The following NR1I3 variants were observed in gnomAD, a reference collection of about 807,000 sequenced individuals.
NR1I3 encodes constitutive activator of retinoid response.
In NR1I3, 30 loss-of-function variants were observed where a neutral mutation model predicts 38.4. That is an observed-to-expected ratio of 0.78 (90% CI 0.58 to 1.06). The LOEUF is 1.06. NR1I3 is among the 50% of genes least tolerant of loss of function. NR1I3 has a pLI of 0.00. For synonymous variants in NR1I3, 143 were observed against 165.1 expected, an observed-to-expected ratio of 0.87 and a Z score of 1.03; for missense variants, 388 against 435.7, an observed-to-expected ratio of 0.89 and a Z score of 0.97.
Position 161,233,124 on chromosome 1 carries a change from G to C in NR1I3, c.408+45C>G, listed in dbSNP as rs147342048. On this transcript the variant is annotated intron_variant, in intron 4 of 8. Transcript: ENST00000367983. ...CTCTCCTTCAGACCAGCATTTTTGG[G>C]TGCCCTTTTAGTTGTATTCCAACCC... is the stretch of plus-strand genomic sequence containing the variant. 7 of 1,601,432 alleles carry C rather than the reference G, an allele frequency of 4.4e-6. No homozygotes were observed. The African/African-American group carries it at 6.7e-5, about 15-fold the overall frequency.
rs1463851963 is a variant in NR1I3, at chr1:161,233,410, T to C, written c.239-72A>G. 5 of 1,534,596 alleles carry C rather than the reference T, an allele frequency of 3.3e-6. No individual in the cohort carries two copies. The East Asian group carries it at 1.1e-4, about 35-fold the overall frequency. On this transcript the variant is annotated intron_variant, in intron 3 of 8. Coordinates refer to ENST00000367983, the MANE Select transcript of NR1I3 (RefSeq NM_005122.5). ...CATTTCTCTCTGCTGGTCCCTGATC[T>C]GGGGCCCCTCAGCTGCCCTGCACAA...
chr1:161,230,150 C>T, intron 8 of NR1I3: 1 of 542,594 alleles, frequency 1.8e-6, no homozygotes, highest in African/African-American at 1.9e-5. Context: ...TTTTTCTGAA[C>T]CCAGAGCTCT....
chr1:161,233,820 G>A (rs1473808913), intron 3 of NR1I3, among the ~76,000 whole-genome samples: 1 of 147,248 alleles, frequency 6.8e-6, no homozygotes, highest in Non-Finnish European at 1.5e-5. Context: ...GGCAGGGCTG[G>A]TATTCATCAT....
intron 5 of NR1I3, among the ~76,000 whole-genome samples, chr1:161,232,091 A>G (rs1255870702): frequency 6.6e-6 from 1 of 151,246 alleles, no homozygotes; most frequent in Non-Finnish European, 1.5e-5. Flanking sequence ...GGTTCAAGTG[A>G]TTCTTCTGCC....
intron 8 of NR1I3, chr1:161,230,512 A>G (rs1666922945): frequency 1.9e-6 from 1 of 532,662 alleles, no homozygotes; most frequent in Non-Finnish European, 3.3e-6. Flanking sequence ...TGGACTAGTG[A>G]GGTAATGGAT....
At position 161,235,897 on chromosome 1, in the gene NR1I3, C is replaced by T. The variant is rs747474209; in HGVS notation, c.188G>A (p.Cys63Tyr). The T allele has an allele frequency of 4.3e-6, 7 of 1,614,058 alleles. No homozygotes were observed. Among genetic ancestry groups the T allele is most frequent in the East Asian group, 2.2e-5 (1 of 44,880 alleles). Residue 63 changes from cysteine (C) to tyrosine (Y), a missense_variant, in exon 3 of 9, where the codon TGC becomes TAC. Transcript: ENST00000367983. ...GCACTTCTGCAACCTGCAGGCTGGG[C>T]AGTGGCGCCTCTGAGTCTTGCTGAC... ...CEVSKTQRRH[C>Y]PACRLQKCLD... is the part of the protein sequence containing the mutation.
intron 3 of NR1I3, among the ~76,000 whole-genome samples, chr1:161,233,907 A>T (rs28602605): frequency 6.9e-6 from 1 of 145,726 alleles, no homozygotes; most frequent in Non-Finnish European, 1.5e-5. Flanking sequence ...GTGTATATAT[A>T]TGTGTATATA....
chr1:161,230,961 G>T (rs1382777940), intron 7 of NR1I3, 43 bp from the exon 8 acceptor site: 1 of 1,613,182 alleles, frequency 6.2e-7, no homozygotes, highest in South Asian at 1.1e-5. Context: ...GGTGGCAGGG[G>T]TGGGCCTGCG....
chr1:161,234,473 T>G (rs1430561791), intron 3 of NR1I3, among the ~76,000 whole-genome samples: 2 of 152,232 alleles, frequency 1.3e-5, no homozygotes, highest in Non-Finnish European at 2.9e-5. Flanking sequence ...TTCTACAGTT[T>G]CCTTTCATTC....
intron 3 of NR1I3, chr1:161,235,296 G>A (rs1668388037): frequency 9.3e-6 from 1 of 107,488 alleles, no homozygotes; most frequent in Non-Finnish European, 1.7e-5. Context: ...TCGGAATCTG[G>A]CTCTGTCACC....
At chr1:161,237,579 A>G (rs1309925628) in intron 1 of NR1I3, among the ~76,000 whole-genome samples, 2 of 151,652 alleles carry the variant, frequency 1.3e-5, no homozygotes, top group Admixed American at 6.6e-5. Context: ...TTAGCTGGGC[A>G]TCGTGGCATG....
intron 1 of NR1I3, among the ~76,000 whole-genome samples, chr1:161,237,735 A>G (rs1026624907): frequency 6.6e-6 from 1 of 152,026 alleles, no homozygotes; most frequent in Non-Finnish European, 1.5e-5. Context: ...ACCCAAAAAA[A>G]CAAAACAAAA....
rs1321295565 is a variant in NR1I3 at position 161,236,479 on chromosome 1, C to G, written c.87G>C (p.Glu29Asp). The G allele has an allele frequency of 4.3e-6, 7 of 1,614,178 alleles. No homozygotes were observed. In the East Asian group the frequency reaches 1.6e-4, roughly 36 times the overall value. ...CTCACCTGAAGAAACCCTTGCAGCC[C>G]TCACAAGTCAGCGCATTAAAGTGGT... The part of the protein sequence containing the change: ...TGYHFNALTC[E>D]GCKGFFRRTV... Residue 29 changes from glutamate (E) to aspartate (D), a missense_variant, in exon 2 of 9, where the codon GAG (glutamate) becomes GAC (aspartate). Transcript: ENST00000367983.
chr1:161,234,074 C>T (rs1274657206), intron 3 of NR1I3, among the ~76,000 whole-genome samples: 2 of 151,920 alleles, frequency 1.3e-5, no homozygotes, highest in African/African-American at 2.4e-5. Flanking sequence ...TCACTGCAAC[C>T]TCTGCCCCCT....
chr1:161,237,741 CAAAAAACA>C (rs952993945), intron 1 of NR1I3, among the ~76,000 whole-genome samples: 36 of 151,848 alleles, frequency 2.4e-4, no homozygotes, highest in South Asian at 6.2e-4. Context: ...AAAAACAAAA[CAAAAAACA>C]AAAAAACAAA....
At chr1:161,236,684 C>T in intron 1 of NR1I3, 86 bp from the exon 2 acceptor site, 1 of 1,342,124 alleles carries the variant, frequency 7.5e-7, no homozygotes, top group Non-Finnish European at 1.0e-6. Flanking sequence ...CCAAACCAAA[C>T]CAAACATGCC....
In NR1I3 at chr1:161,232,917, C is replaced by T. The variant is rs1158864727; in HGVS notation, c.438G>A (p.Gln146=). The T allele has an allele frequency of 5.0e-6, 8 of 1,614,070 alleles. No individual in the cohort carries two copies. The highest frequency in any genetic ancestry group is 6.8e-6 in the Non-Finnish European group (8 of 1,180,034). The change falls in exon 5 of 9, where the codon CAG becomes CAA. Residue 146 remains glutamine (Q), a synonymous_variant. Coordinates refer to ENST00000367983, the MANE Select transcript of NR1I3 (RefSeq NM_005122.5). ...RPPAHLFIHH[Q]PLPTLAPVLP... ...GCACAGGGGCCAGGGTGGGCAAGGGCTGGTGATGGATGAACAGATGAGCTG... is the reference window on the plus strand; with the variant it reads ...GCACAGGGGCCAGGGTGGGCAAGGGTTGGTGATGGATGAACAGATGAGCTG...
At position 161,233,004 on chromosome 1, in the gene NR1I3, C is replaced by T. The variant is rs142754061; in HGVS notation, c.409-58G>A. On this transcript the variant is annotated intron_variant, in intron 4 of 8. Transcript: ENST00000367983. Reference sequence around the variant, plus strand: ...GGCCCTAGGGCCCTCCTTTAGGCCTCGCCAGCCTTATCTTGGAAGAGTTCC... The same window carrying T: ...GGCCCTAGGGCCCTCCTTTAGGCCTTGCCAGCCTTATCTTGGAAGAGTTCC... The T allele has an allele frequency of 2.2e-4, 356 of 1,602,860 alleles. 1 individual carries two copies. The Middle Eastern group carries it at 4.1e-3, about 18-fold the overall frequency.
Position 161,238,179 on chromosome 1 carries a change from A to G in NR1I3, c.-172T>C. 1 of 1,564,642 alleles carries G rather than the reference A, an allele frequency of 6.4e-7. No individual in the cohort carries two copies. The highest frequency in any genetic ancestry group is 8.7e-7 in the Non-Finnish European group (1 of 1,146,200). Reference sequence around the variant, plus strand: ...ATTGGAGTTAGGGATTATGACCCGTAGTATCTGGAAAACAAGAGATGTCTG... The same window carrying G: ...ATTGGAGTTAGGGATTATGACCCGTGGTATCTGGAAAACAAGAGATGTCTG... On this transcript the variant is annotated 5_prime_UTR_variant, in exon 1 of 9. Transcript: ENST00000367983.
Sources: allele counts gnomAD v4.1 joint callset (sites outside exome capture counted in the v4.1 genomes callset), GRCh38; gene constraint gnomAD v4.1.1; transcripts MANE v1.5; gene names NCBI Gene and HGNC (gene_info 2026-07-23, HGNC 2026-07-21).